The following PARG variants were observed in gnomAD, a reference collection of about 807,000 sequenced individuals.
The protein encoded by PARG is mitochondrial poly(ADP-ribose) glycohydrolase.
Under a neutral mutation model 113.0 loss-of-function variants are expected in PARG, and 35 were observed. The observed-to-expected ratio is 0.31, with a 90% confidence interval of 0.24 to 0.41. PARG has a LOEUF of 0.41. Ranked by LOEUF, PARG falls within the 10% of genes least tolerant of loss-of-function variation. The pLI, the probability that PARG is intolerant of heterozygous loss-of-function variation, is 1.00. For synonymous variants in PARG, 330 were observed against 409.9 expected (o/e 0.81, Z 2.36); for missense variants, 797 against 1,169.4 (o/e 0.68, Z 4.64).
intron 7 of PARG, among the ~76,000 whole-genome samples, chr10:49,907,341 C>A (rs1313614306): frequency 6.6e-6 from 1 of 152,018 alleles, no homozygotes; most frequent in African/African-American, 2.4e-5. Context: ...CACAATAAAT[C>A]GAGGATGAGT....
At chr10:49,873,422 T>C (rs1554837927) in intron 9 of PARG, among the ~76,000 whole-genome samples, 1 of 150,066 alleles carries the variant, frequency 6.7e-6, no homozygotes, top group East Asian at 2.0e-4. Flanking sequence ...GGACTTTCAG[T>C]TGTTTGGCAT....
intron 7 of PARG, among the ~76,000 whole-genome samples, chr10:49,893,865 T>G (rs1554842124): frequency 1.3e-5 from 2 of 151,750 alleles, no homozygotes; most frequent in African/African-American, 4.8e-5. Flanking sequence ...AGCTAATGTT[T>G]TTTTTTGTAT....
chr10:49,935,375 G>A (rs1202938970), intron 1 of PARG, among the ~76,000 whole-genome samples: 1 of 152,214 alleles, frequency 6.6e-6, no homozygotes, highest in African/African-American at 2.4e-5. Context: ...TAAGAGCATA[G>A]GCTATGGAAT....
intron 13 of PARG, among the ~76,000 whole-genome samples, chr10:49,854,413 A>G (rs1845894261): frequency 6.6e-6 from 1 of 152,222 alleles, no homozygotes. Flanking sequence ...GTGGTGGCAA[A>G]CAGCTGGGGC....
At chr10:49,894,251 A>G (rs554180195) in intron 7 of PARG, among the ~76,000 whole-genome samples, 69 of 138,810 alleles carry the variant, frequency 5.0e-4, no homozygotes, top group African/African-American at 1.8e-3. Context: ...TATGTTGCCC[A>G]GGTTGGCCTT....
chr10:49,834,621 G>A (rs1311942575), intron 15 of PARG, among the ~76,000 whole-genome samples: 1 of 152,100 alleles, frequency 6.6e-6, no homozygotes, highest in Non-Finnish European at 1.5e-5. Flanking sequence ...ATCTTTAAAA[G>A]TTCATGGCTG....
At chr10:49,916,950 A>G (rs1283219975) in intron 6 of PARG, among the ~76,000 whole-genome samples, 2 of 152,150 alleles carry the variant, frequency 1.3e-5, no homozygotes, top group Non-Finnish European at 2.9e-5. Context: ...TTTTTAAAAA[A>G]TTAATACTCT....
At chr10:49,932,323 C>T (rs1838532610) in intron 3 of PARG, 40 bp from the exon 4 acceptor site, 28 of 1,212,590 alleles carry the variant, frequency 2.3e-5, no homozygotes, top group Non-Finnish European at 3.3e-5. Flanking sequence ...AAATTATTTA[C>T]TGTTTTAATT....
At chr10:49,904,848 G>A (rs1193148803) in intron 7 of PARG, among the ~76,000 whole-genome samples, 2 of 151,984 alleles carry the variant, frequency 1.3e-5, no homozygotes, top group Non-Finnish European at 2.9e-5. Flanking sequence ...CCCAGGAGGC[G>A]GAGGTTGCAG....
intron 7 of PARG, among the ~76,000 whole-genome samples, chr10:49,890,351 GGATT>G (rs1167030737): frequency 1.3e-5 from 2 of 151,644 alleles, no homozygotes; most frequent in African/African-American, 4.9e-5. Flanking sequence ...ATTTCAGTCA[GGATT>G]GATACAATAA....
intron 4 of PARG, among the ~76,000 whole-genome samples, chr10:49,931,824 GAAA>G (rs1396069937): frequency 6.9e-6 from 1 of 145,678 alleles, no homozygotes; most frequent in Non-Finnish European, 1.5e-5. Context: ...TGAGTAAAAA[GAAA>G]AAAAAAGAAT....
intron 11 of PARG, among the ~76,000 whole-genome samples, chr10:49,862,816 C>A (rs141484757): frequency 6.6e-6 from 1 of 151,876 alleles, no homozygotes; most frequent in Non-Finnish European, 1.5e-5. Flanking sequence ...AAAACAGTAT[C>A]GTAAGTTTGA....
chr10:49,831,969 AG>A (rs2132397593), intron 16 of PARG, among the ~76,000 whole-genome samples: 1 of 152,310 alleles, frequency 6.6e-6, no homozygotes, highest in Non-Finnish European at 1.5e-5. Context: ...TGTTCTTAAT[AG>A]GCGAGATCTG....
Position 49,836,307 on chromosome 10 carries a change from CTTTTTTTTTT to C in PARG, c.2542-3409_2542-3400del, listed in dbSNP as rs1168567519. 7.8e-3 allele frequency among the ~76,000 whole-genome samples: 375 copies of C among 48,006 alleles called. 2 individuals carry two copies. The highest frequency in any genetic ancestry group is 0.025 in the African/African-American group (329 of 13,058). 31.5% of individuals were successfully genotyped at this position (48,006 alleles called of 152,430 possible). On this transcript the variant is annotated intron_variant, in intron 15 of 17. Transcript: ENST00000616448. Reference sequence around the variant, plus strand: ...TTTAGTATTCTCTGATTTCTTACGACTTTTTTTTTTTTTTTTTTTTTTTTTTTTTAGCCCA... The same window carrying C: ...TTTAGTATTCTCTGATTTCTTACGACTTTTTTTTTTTTTTTTTTTAGCCCA...
chr10:49,884,588 G>A (rs1387566441), intron 8 of PARG, among the ~76,000 whole-genome samples: 2 of 151,988 alleles, frequency 1.3e-5, no homozygotes, highest in South Asian at 2.1e-4. Flanking sequence ...AAACTTAGCC[G>A]GGTATGGTGG....
chr10:49,920,619 T>TATATAA (rs1837812466), intron 6 of PARG, among the ~76,000 whole-genome samples: 2 of 146,928 alleles, frequency 1.4e-5, no homozygotes, highest in South Asian at 4.2e-4. Context: ...TATATACGTA[T>TATATAA]ATATATACAT....
At chr10:49,839,596 C>T (rs539240969) in intron 15 of PARG, among the ~76,000 whole-genome samples, 2 of 152,292 alleles carry the variant, frequency 1.3e-5, no homozygotes, top group South Asian at 4.1e-4. Flanking sequence ...TTTCTGGTGT[C>T]TTTGAGGATG....
intron 9 of PARG, among the ~76,000 whole-genome samples, chr10:49,869,893 A>G (rs1554837588): frequency 6.6e-6 from 1 of 152,162 alleles, no homozygotes; most frequent in African/African-American, 2.4e-5. Context: ...CTCAATGGCT[A>G]AAAACATTTA....
At chr10:49,844,421 G>A (rs1284764233) in intron 13 of PARG, among the ~76,000 whole-genome samples, 5 of 151,848 alleles carry the variant, frequency 3.3e-5, no homozygotes, top group South Asian at 2.1e-4. Context: ...TCAGAAGTTC[G>A]AGACCAGCTT....
Sources: allele counts gnomAD v4.1 joint callset (sites outside exome capture counted in the v4.1 genomes callset), GRCh38; gene constraint gnomAD v4.1.1; transcripts MANE v1.5; gene names NCBI Gene and HGNC (gene_info 2026-07-23, HGNC 2026-07-21).